The following NREP variants were observed in gnomAD, a reference collection of about 807,000 sequenced individuals.
NREP encodes the protein neuronal regeneration related protein.
In NREP, 5 loss-of-function variants were observed where a neutral mutation model predicts 8.6. The ratio of observed to expected loss-of-function variants is 0.58; its 90% confidence interval spans 0.30 to 1.22. The LOEUF is 1.22. Ranked by LOEUF, NREP falls within the 50% of genes most tolerant of loss-of-function variation. The pLI, the probability that NREP is intolerant of heterozygous loss-of-function variation, is 0.07. For synonymous variants in NREP, 27 were observed against 28.0 expected, an observed-to-expected ratio of 0.96 and a Z score of 0.11; for missense variants, 86 against 82.5, an observed-to-expected ratio of 1.04 and a Z score of -0.17.
At chr5:111,861,880 T>A (rs1290179204) in intron 2 of NREP, among the ~76,000 whole-genome samples, 1 of 152,142 alleles carries the variant, frequency 6.6e-6, no homozygotes. Flanking sequence ...CTATGTAATA[T>A]GTGATATAAA....
chr5:111,930,854 G>T (rs1209067185), intron 2 of NREP, among the ~76,000 whole-genome samples: 1 of 152,120 alleles, frequency 6.6e-6, no homozygotes, highest in Non-Finnish European at 1.5e-5. Flanking sequence ...CAGAAGCCAG[G>T]TTAAGTCTTC....
At chr5:111,836,464 T>C (rs572535754) in intron 2 of NREP, among the ~76,000 whole-genome samples, 16 of 152,198 alleles carry the variant, frequency 1.1e-4, no homozygotes, top group African/African-American at 3.9e-4. Context: ...CTGAGGAATA[T>C]GCAACAAAAT....
intron 2 of NREP, among the ~76,000 whole-genome samples, chr5:111,796,282 T>C (rs1482046231): frequency 6.6e-6 from 1 of 152,134 alleles, no homozygotes; most frequent in Non-Finnish European, 1.5e-5. Flanking sequence ...CTCTTTTGCC[T>C]CCTTCTTTCA....
intron 2 of NREP, among the ~76,000 whole-genome samples, chr5:111,890,534 C>T (rs1581195935): frequency 6.6e-6 from 1 of 152,308 alleles, no homozygotes; most frequent in Non-Finnish European, 1.5e-5. Flanking sequence ...AATAGAGGTT[C>T]TTGTGACAGC....
intron 2 of NREP, among the ~76,000 whole-genome samples, chr5:111,943,773 T>C (rs1755897792): frequency 1.3e-5 from 2 of 152,114 alleles, no homozygotes; most frequent in Admixed American, 1.3e-4. Flanking sequence ...AAATAAGCCA[T>C]ACTTAATTTT....
rs140390531 is a variant in NREP at position 111,734,289 on chromosome 5, C to T, written c.81+1141G>A. Reference sequence around the variant, plus strand: ...ATTATGCCCTGATCTGGCACAGTGACGAATGTCTGTGGTTATACTGCTCGT... The same window carrying T: ...ATTATGCCCTGATCTGGCACAGTGATGAATGTCTGTGGTTATACTGCTCGT... On this transcript the variant is annotated intron_variant, in intron 3 of 3. Coordinates refer to ENST00000257435, the MANE Select transcript of NREP (RefSeq NM_004772.4). 4.9e-3 allele frequency: 758 copies of T among 155,552 alleles called. 2 individuals are homozygous for T. Among genetic ancestry groups the T allele is most frequent in the Non-Finnish European group, 8.4e-3 (592 of 70,072 alleles). The allele number at this position is 155,552 out of a possible 1,614,324, so 9.6% of individuals were successfully genotyped here. A position where few individuals can be genotyped will look rare whatever the true frequency, so the allele number is the denominator to read the frequency against.
intron 2 of NREP, among the ~76,000 whole-genome samples, chr5:111,876,199 T>C (rs1272612035): frequency 6.6e-6 from 1 of 152,238 alleles, no homozygotes; most frequent in East Asian, 1.9e-4. Flanking sequence ...TCCCCATGCA[T>C]GCTTCTAGCT....
intron 2 of NREP, among the ~76,000 whole-genome samples, chr5:111,912,132 T>C (rs1026035891): frequency 7.9e-5 from 12 of 152,120 alleles, no homozygotes; most frequent in Non-Finnish European, 1.5e-4. Context: ...TTCCTTGAAC[T>C]TTTGTTGGCC....
intron 2 of NREP, among the ~76,000 whole-genome samples, chr5:111,834,793 T>A (rs1015891419): frequency 6.6e-6 from 1 of 152,216 alleles, no homozygotes; most frequent in African/African-American, 2.4e-5. Flanking sequence ...TTTTGGTAGA[T>A]AATTTTTCCC....
Position 111,873,639 on chromosome 5 carries a change from C to A in NREP, c.135+101635G>T, listed in dbSNP as rs867145823. ...TCTCATACCTCTTCTCTCTGACGCA[C>A]TCTTCTGACCTCCTGTTCCATTATT... is the stretch of plus-strand genomic sequence containing the variant. On this transcript the variant is annotated intron_variant, in intron 2 of 3. Coordinates refer to the NREP transcript ENST00000395634. Among the ~76,000 whole-genome samples the A allele has an allele frequency of 4.3e-4, 65 of 152,340 alleles. No homozygotes were observed. In the Middle Eastern group the frequency reaches 0.017, roughly 40 times the overall value.
intron 2 of NREP, among the ~76,000 whole-genome samples, chr5:111,745,419 T>A (rs1489963238): frequency 6.6e-6 from 1 of 152,176 alleles, no homozygotes; most frequent in African/African-American, 2.4e-5. Flanking sequence ...GTTTTTTTCT[T>A]TTTTCAATGT....
chr5:111,781,952 C>T (rs1394383214), intron 2 of NREP, among the ~76,000 whole-genome samples: 1 of 152,138 alleles, frequency 6.6e-6, no homozygotes, highest in African/African-American at 2.4e-5. Flanking sequence ...TAAAAATTTA[C>T]TCTGGTTTTT....
At chr5:111,942,426 G>A (rs890645854) in intron 2 of NREP, among the ~76,000 whole-genome samples, 15 of 151,928 alleles carry the variant, frequency 9.9e-5, no homozygotes, top group African/African-American at 2.7e-4. Flanking sequence ...TAAAATAGGC[G>A]CTTTTGCTCT....
intron 2 of NREP, among the ~76,000 whole-genome samples, chr5:111,893,989 A>C (rs554274146): frequency 2.4e-4 from 37 of 152,188 alleles, no homozygotes; most frequent in African/African-American, 8.7e-4. Flanking sequence ...AGGCCGACGC[A>C]GGCAGATCAC....
chr5:111,887,591 A>G (rs371611896), intron 2 of NREP, among the ~76,000 whole-genome samples: 251 of 152,330 alleles, frequency 1.6e-3, no homozygotes, highest in African/African-American at 5.9e-3. Flanking sequence ...GGACACTTCA[A>G]TGAATATAAA....
chr5:111,924,458 GA>G (rs34192417), intron 2 of NREP, among the ~76,000 whole-genome samples: 63,758 of 146,960 alleles, frequency 0.43, 15,852 homozygotes, highest in Non-Finnish European at 0.58. Flanking sequence ...AGTGGTATGA[GA>G]AAAAAAAAAA....
intron 2 of NREP, among the ~76,000 whole-genome samples, chr5:111,870,250 C>T (rs958932222): frequency 6.6e-6 from 1 of 151,968 alleles, no homozygotes; most frequent in African/African-American, 2.4e-5. Context: ...GCCAACATGG[C>T]GAAACCCTGT....
chr5:111,880,135 C>A (rs1023443741), intron 2 of NREP, among the ~76,000 whole-genome samples: 1 of 152,062 alleles, frequency 6.6e-6, no homozygotes, highest in Non-Finnish European at 1.5e-5. Flanking sequence ...CATCATCTAC[C>A]ATTTATTACC....
At chr5:111,757,555 T>G (rs919131541), upstream of NREP, 5 of 984,582 alleles carry the variant, frequency 5.1e-6, no homozygotes, top group Non-Finnish European at 4.8e-6. Flanking sequence ...GGAGCCAGAC[T>G]GCTTACTCGG....
Sources: gnomAD v4.1 joint callset for allele counts (sites outside exome capture counted in the v4.1 genomes callset) on GRCh38, gnomAD v4.1.1 for gene constraint, MANE v1.5 for transcripts, NCBI Gene and HGNC (gene_info 2026-07-23, HGNC 2026-07-21) for gene names.